FBRS: variants seen among roughly 807,000 people sequenced by gnomAD.
The protein encoded by FBRS is fibrosin.
A neutral mutation model predicts 86.1 loss-of-function variants in FBRS; 15 were observed. The ratio of observed to expected loss-of-function variants is 0.17; its 90% CI spans 0.12 to 0.27. The LOEUF is 0.27. FBRS is among the 10% of genes least tolerant of loss of function. The pLI is 1.00. For synonymous variants in FBRS, 666 were observed against 575.8 expected, an observed-to-expected ratio of 1.16 and a Z score of -2.24; for missense variants, 1,367 against 1,301.6, an observed-to-expected ratio of 1.05 and a Z score of -0.77.
Position 30,664,398 on chromosome 16 carries a change from G to GGGGGCC in FBRS, c.1239_1240insGGGGCC (p.Arg413_Pro414insGlyAla). The GGGGGCC allele has an allele frequency of 7.3e-7, 1 of 1,376,498 alleles. No homozygotes were observed. Among genetic ancestry groups the GGGGGCC allele is most frequent in the Non-Finnish European group, 9.7e-7 (1 of 1,026,070 alleles). 85.3% of individuals were successfully genotyped at this position (1,376,498 alleles called of 1,614,324 possible). A position where few individuals can be genotyped will look rare whatever the true frequency, so the allele number is the denominator to read the frequency against. On this transcript the variant is annotated inframe_insertion, in exon 7 of 18. Coordinates refer to ENST00000356166, the MANE Select transcript of FBRS (RefSeq NM_001105079.3). ...ACAGCTTTCCCCCTCCCGGGCTGCG[G>GGGGGCC]CCCCCCCCACCACCCCACCACCCCT...
intron 6 of FBRS, among the ~76,000 whole-genome samples, chr16:30,663,957 G>A (rs1268766563): frequency 1.3e-5 from 2 of 152,184 alleles, no homozygotes; most frequent in African/African-American, 2.4e-5. Context: ...AGTCAGAAAG[G>A]GAAAGTCATC....
chr16:30,666,585 G>C, intron 12 of FBRS, 44 bp downstream of exon 12: 2 of 1,613,892 alleles, frequency 1.2e-6, no homozygotes, highest in South Asian at 2.2e-5. Flanking sequence ...CTGGGGGCTG[G>C]TGTTAGCATG....
intron 2 of FBRS, chr16:30,660,687 A>C (rs1211412000): frequency 3.4e-6 from 2 of 588,518 alleles, no homozygotes; most frequent in African/African-American, 1.9e-5. Context: ...GCGTCAAAGG[A>C]ATATAGTTGG....
At position 30,659,875 on chromosome 16, in the gene FBRS, C is replaced by G; in HGVS notation, c.357C>G (p.Asp119Glu). ...EEEEEEEGGA[D>E]DGEAEEEPEE... The stretch of plus-strand genomic sequence containing the variant: ...AGGAGGAGGAGGAGGGGGGCGCAGA[C>G]GACGGCGAAGCCGAGGAGGAGCCTG... Residue 119 changes from aspartate (D) to glutamate (E), a missense_variant, in exon 1 of 18, where the codon GAC becomes GAG. Physicochemically the swap from Asp to Glu is conservative, Grantham distance 45. Transcript: ENST00000356166. 1.9e-6 allele frequency: 3 copies of G among 1,544,742 alleles called. No homozygotes were observed. Among genetic ancestry groups the G allele is most frequent in the Admixed American group, 2.0e-5 (1 of 50,862 alleles).
Position 30,665,389 on chromosome 16 carries a change from C to T in FBRS, c.1692C>T (p.Ala564=), listed in dbSNP as rs149149128. The T allele has an allele frequency of 2.8e-4, 442 of 1,569,650 alleles. 4 individuals are homozygous for T. In the East Asian group the frequency reaches 8.8e-3, roughly 31 times the overall value. The change falls in exon 10 of 18, where the codon GCC becomes GCT. Residue 564 remains alanine (A), a synonymous_variant. Coordinates refer to ENST00000356166, the MANE Select transcript of FBRS (RefSeq NM_001105079.3). The surrounding 1 kb of genome is among the most constrained non-coding windows in gnomAD (Gnocchi z 4.1). ...TCTCCTTTGGCTCCCTGCAGGGGGC[C>T]TTCCAGCCCAAGGTGAGCTCCCAAT... The part of the protein sequence containing the change: ...PAVSFGSLQG[A]FQPKSTNPEL...
intron 2 of FBRS, 76 bp downstream of exon 2, chr16:30,660,518 C>T (rs757517362): frequency 7.9e-5 from 99 of 1,256,152 alleles, no homozygotes; most frequent in Middle Eastern, 4.1e-4. Context: ...ACGCCACTGC[C>T]CCTTGTAAAC....
Position 30,665,236 on chromosome 16 carries a change from G to C in FBRS, c.1609-70G>C. 1 of 1,519,848 alleles carries C rather than the reference G, an allele frequency of 6.6e-7. No homozygotes were observed. The highest frequency in any genetic ancestry group is 8.9e-7 in the Non-Finnish European group (1 of 1,122,560). 94.1% of individuals were successfully genotyped at this position (1,519,848 alleles called of 1,614,324 possible). A position where few individuals can be genotyped will look rare whatever the true frequency, so the allele number is the denominator to read the frequency against. ...GGGGGCTTTAGGGTGGAGGCCCGTGGACTGACGGGCAGGCTGGACTTGGGC... is the reference window on the plus strand; with the variant it reads ...GGGGGCTTTAGGGTGGAGGCCCGTGCACTGACGGGCAGGCTGGACTTGGGC... On this transcript the variant is annotated intron_variant, in intron 9 of 17. Transcript: ENST00000356166. The surrounding 1 kb of genome is among the most constrained non-coding windows in gnomAD (Gnocchi z 4.1).
rs2052516752 is a variant in FBRS at position 30,665,822 on chromosome 16, C to T, written c.1773+116C>T. The T allele has an allele frequency of 9.8e-7, 1 of 1,017,234 alleles. No individual in the cohort carries two copies. Among genetic ancestry groups the T allele is most frequent in the South Asian group, 1.5e-5 (1 of 65,600 alleles). The allele number at this position is 1,017,234 out of a possible 1,614,324, so 63.0% of individuals were successfully genotyped here. On this transcript the variant is annotated intron_variant, in intron 11 of 17. Coordinates refer to ENST00000356166, the MANE Select transcript of FBRS (RefSeq NM_001105079.3). The surrounding 1 kb of genome is among the most constrained non-coding windows in gnomAD (Gnocchi z 4.1). ...CCCTTGAATTCACAATCGGGTGTTC[C>T]TGGGTGTCTAATAGAGAGGGAATTT... is the stretch of plus-strand genomic sequence containing the variant.
chr16:30,664,403 C>G lies in FBRS; in HGVS notation c.1244C>G (p.Pro415Arg), dbSNP rs747584231. The G allele has an allele frequency of 1.8e-5, 24 of 1,360,068 alleles. No homozygotes were observed. In the South Asian group the frequency reaches 3.5e-4, roughly 20 times the overall value. The allele number at this position is 1,360,068 out of a possible 1,614,324, so 84.3% of individuals were successfully genotyped here. The change falls in exon 7 of 18, where the codon CCC becomes CGC. Residue 415 changes from proline (P) to arginine (R), a missense_variant. Pro to Arg is a moderately radical substitution (Grantham distance 103). Transcript: ENST00000356166. ...TTTCCCCCTCCCGGGCTGCGGCCCC[C>G]CCCACCACCCCACCACCCCTCCTTG... The part of the protein sequence containing the change: ...HSFPPPGLRP[P>R]PPPHHPSLFS...
chr16:30,667,067 A>G, intron 13 of FBRS, 77 bp downstream of exon 13: 9 of 1,389,264 alleles, frequency 6.5e-6, no homozygotes, highest in South Asian at 1.2e-5. Flanking sequence ...GGCCCTCAAC[A>G]GAGCTCAGCA....
chr16:30,662,668 G>A lies in FBRS; in HGVS notation c.864G>A (p.Pro288=), dbSNP rs1019174416. The A allele has an allele frequency of 4.9e-5, 76 of 1,548,832 alleles. No homozygotes were observed. The East Asian group carries it at 1.5e-3, about 31-fold the overall frequency. Reference sequence around the variant, plus strand: ...AAGAACAGCCCCCGGGGCCCGACCCGCTGCTAGTGCCTTTCCCCCCAAAGG... The same window carrying A: ...AAGAACAGCCCCCGGGGCCCGACCCACTGCTAGTGCCTTTCCCCCCAAAGG... ...RSQEQPPGPD[P]LLVPFPPKEP... is the part of the protein sequence containing the mutation. Residue 288 remains proline, a synonymous_variant, in exon 6 of 18, where the codon CCG becomes CCA. Coordinates refer to ENST00000356166, the MANE Select transcript of FBRS (RefSeq NM_001105079.3).
At position 30,659,007 on chromosome 16, in the gene FBRS, C is replaced by G. The variant is rs1328732113; in HGVS notation, c.-512C>G. On this transcript the variant is annotated 5_prime_UTR_variant, in exon 1 of 18. Coordinates refer to ENST00000356166, the MANE Select transcript of FBRS (RefSeq NM_001105079.3). ...TAACTCCGAGCCCTTAAAGGGACGG[C>G]CTGCTGTTAGAAGGACCCTGGACTC... The G allele has an allele frequency of 6.6e-6, 1 of 152,186 alleles. No homozygotes were observed. The highest frequency in any genetic ancestry group is 1.9e-4 in the East Asian group (1 of 5,192). The allele number at this position is 152,186 out of a possible 1,614,324, so 9.4% of individuals were successfully genotyped here.
rs2052561133 is a variant in FBRS, at chr16:30,669,152, C to G, written c.2450C>G (p.Thr817Ser). ...GCTGGTGAGGAGGGGCCTCGGCCAA[C>G]CAAGGAATCTGTGCGGGTAAAGGAA... Reference protein sequence around the residue: ...ARAGEEGPRPTKESVRVKEER... With the variant: ...ARAGEEGPRPSKESVRVKEER... Residue 817 changes from threonine (T) to serine (S), a missense_variant, in exon 18 of 18, where the codon ACC (threonine) becomes AGC (serine). Transcript: ENST00000356166. This position sits in a 1 kb window ranked among gnomAD's most constrained non-coding sequence, Gnocchi z 5.9. The G allele has an allele frequency of 5.1e-6, 8 of 1,565,364 alleles. No individual in the cohort carries two copies. Among genetic ancestry groups the G allele is most frequent in the Non-Finnish European group, 6.9e-6 (8 of 1,156,030 alleles).
At position 30,664,283 on chromosome 16, in the gene FBRS, C is replaced by T. The variant is rs1449713015; in HGVS notation, c.1124C>T (p.Ser375Leu). 2.7e-6 allele frequency: 4 copies of T among 1,501,788 alleles called. No individual in the cohort carries two copies. The highest frequency in any genetic ancestry group is 3.6e-6 in the Non-Finnish European group (4 of 1,117,358). 93.0% of individuals were successfully genotyped at this position (1,501,788 alleles called of 1,614,324 possible). The change falls in exon 7 of 18, where the codon TCG becomes TTG. Residue 375 changes from serine to leucine, a missense_variant. Ser to Leu is a moderately radical substitution (Grantham distance 145). This residue lies in a region of FBRS where 702 missense variants were observed against 598.7 expected (regional missense o/e 1.17). Transcript: ENST00000356166. ...VAQPPPSSSS[S>L]SSSSSSASSS... ...CAGCCTCCCCCCTCATCATCCTCTT[C>T]GTCCTCCTCCTCCTCATCTGCCTCC...
Position 30,659,400 on chromosome 16 carries a change from G to T in FBRS, c.-119G>T, listed in dbSNP as rs1249360924. 5.0e-6 allele frequency: 1 copy of T among 200,588 alleles called. No individual in the cohort carries two copies. The highest frequency in any genetic ancestry group is 2.4e-5 in the African/African-American group (1 of 42,368). The allele number at this position is 200,588 out of a possible 1,614,324, so 12.4% of individuals were successfully genotyped here. On this transcript the variant is annotated 5_prime_UTR_variant, in exon 1 of 18. Transcript: ENST00000356166. ...GGGGCCAGCAGATCCGGCTTTAAAGGAGAAGCCGTGGCCCTCTCGTCACTG... is the reference window on the plus strand; with the variant it reads ...GGGGCCAGCAGATCCGGCTTTAAAGTAGAAGCCGTGGCCCTCTCGTCACTG...
intron 11 of FBRS, chr16:30,666,274 C>G (rs182574732): frequency 3.3e-6 from 2 of 599,780 alleles, no homozygotes; most frequent in Non-Finnish European, 2.9e-6. Context: ...TGCCCCCTCA[C>G]CACCCGCAGC....
rs372168237 is a variant in FBRS at position 30,670,683 on chromosome 16, G to T, written c.*1038G>T. 8.2e-4 allele frequency: 128 copies of T among 157,052 alleles called. 1 individual carries two copies. The highest frequency in any genetic ancestry group is 6.8e-3 in the Middle Eastern group (2 of 296). The allele number at this position is 157,052 out of a possible 1,614,324, so 9.7% of individuals were successfully genotyped here. A position where few individuals can be genotyped will look rare whatever the true frequency, so the allele number is the denominator to read the frequency against. ...CTTCCCAAAGCAGCAGGCGCCTCCA[G>T]GCTGGGGCCCAACCTAGAAGGCAGG... On this transcript the variant is annotated 3_prime_UTR_variant, in exon 18 of 18. Coordinates refer to ENST00000356166, the MANE Select transcript of FBRS (RefSeq NM_001105079.3).
chr16:30,665,931 T>C lies in FBRS; in HGVS notation c.1773+225T>C, dbSNP rs2052517785. ...AAATAGGATGATTAGGACAATGGTT[T>C]TTGTAGTGGTTTTCAAACTTTTTAA... On this transcript the variant is annotated intron_variant, in intron 11 of 17. Coordinates refer to ENST00000356166, the MANE Select transcript of FBRS (RefSeq NM_001105079.3). This position sits in a 1 kb window ranked among gnomAD's most constrained non-coding sequence, Gnocchi z 4.1. 3 of 508,140 alleles carry C rather than the reference T, an allele frequency of 5.9e-6. No homozygotes were observed. Among genetic ancestry groups the C allele is most frequent in the Non-Finnish European group, 1.0e-5 (3 of 289,844 alleles). 31.5% of individuals were successfully genotyped at this position (508,140 alleles called of 1,614,324 possible). A position where few individuals can be genotyped will look rare whatever the true frequency, so the allele number is the denominator to read the frequency against.
intron 4 of FBRS, 35 bp downstream of exon 4, chr16:30,661,368 C>T: frequency 1.3e-6 from 2 of 1,550,680 alleles, no homozygotes; most frequent in Non-Finnish European, 1.7e-6. Flanking sequence ...GGCAGTGTCA[C>T]TGCTTGTAAA....
Sources: gnomAD v4.1 joint callset for allele counts (sites outside exome capture counted in the v4.1 genomes callset) on GRCh38, gnomAD v4.1.1 for gene constraint, gnomAD v4.1.1 regional missense constraint, Gnocchi (gnomAD v3.1) non-coding constraint, MANE v1.5 for transcripts, NCBI Gene and HGNC (gene_info 2026-07-23, HGNC 2026-07-21) for gene names.